Variants in NDST3 observed in about 807,000 individuals in gnomAD.
NDST3 encodes N-deacetylase and N-sulfotransferase 3, also known as bifunctional heparan sulfate N-deacetylase/N-sulfotransferase 3.
Under a neutral mutation model 96.1 loss-of-function variants are expected in NDST3, and 58 were observed. That is an observed-to-expected ratio of 0.60 (90% CI 0.49 to 0.75). The LOEUF (loss-of-function observed/expected upper bound fraction) is 0.75. NDST3 is among the 30% of genes least tolerant of loss of function. The pLI is 0.00. For synonymous variants in NDST3, 333 were observed against 359.7 expected (o/e 0.93, Z 0.84); for missense variants, 788 against 1,034.2 (o/e 0.76, Z 3.27).
At chr4:118,174,699 C>G (rs141720853) in intron 6 of NDST3, among the ~76,000 whole-genome samples, 7 of 152,242 alleles carry the variant, frequency 4.6e-5, no homozygotes. Context: ...CATGAGCATT[C>G]AGAAAACATT....
intron 2 of NDST3, among the ~76,000 whole-genome samples, chr4:118,066,200 ATT>A (rs1578565178): frequency 7.2e-5 from 5 of 69,700 alleles, no homozygotes; most frequent in East Asian, 8.4e-4. Context: ...TATATATTAT[ATT>A]TTATATATTA....
intron 6 of NDST3, among the ~76,000 whole-genome samples, chr4:118,201,152 GTA>G (rs35683434): frequency 0.038 from 5,782 of 152,266 alleles, 127 homozygotes; most frequent in Non-Finnish European, 0.061. Context: ...TCCGTGGTGT[GTA>G]TATACAGCAT....
At chr4:118,168,170 T>C (rs1305330497) in intron 6 of NDST3, among the ~76,000 whole-genome samples, 4 of 151,960 alleles carry the variant, frequency 2.6e-5, no homozygotes, top group Admixed American at 2.6e-4. Context: ...ATTGTATGTC[T>C]AATAAGGAGT....
At chr4:118,161,379 G>C (rs1453385779) in intron 6 of NDST3, among the ~76,000 whole-genome samples, 2 of 152,186 alleles carry the variant, frequency 1.3e-5, no homozygotes, top group Non-Finnish European at 1.5e-5. Flanking sequence ...TGTGTGCTGG[G>C]AGAACCACTG....
intron 6 of NDST3, among the ~76,000 whole-genome samples, chr4:118,196,793 G>C (rs1024712387): frequency 7.3e-5 from 11 of 149,854 alleles, no homozygotes; most frequent in African/African-American, 2.7e-4. Flanking sequence ...AAAACTTTTC[G>C]ATTCATTGAT....
At chr4:118,108,995 C>G (rs946280820) in intron 3 of NDST3, among the ~76,000 whole-genome samples, 4 of 152,120 alleles carry the variant, frequency 2.6e-5, no homozygotes, top group African/African-American at 9.7e-5. Flanking sequence ...TATTTTAAAT[C>G]TTTTGCTTAC....
chr4:118,180,887 C>A (rs542488512), intron 6 of NDST3, among the ~76,000 whole-genome samples: 1 of 152,152 alleles, frequency 6.6e-6, no homozygotes, highest in Non-Finnish European at 1.5e-5. Context: ...TGAATTCCAA[C>A]AGCCAGAGTT....
intron 12 of NDST3, among the ~76,000 whole-genome samples, chr4:118,243,736 A>G (rs1741143079): frequency 6.6e-6 from 1 of 152,200 alleles, no homozygotes; most frequent in Non-Finnish European, 1.5e-5. Context: ...GTATTTCAGA[A>G]AAAAAGAAGT....
intron 6 of NDST3, among the ~76,000 whole-genome samples, chr4:118,165,336 C>T (rs995960675): frequency 6.6e-6 from 1 of 151,748 alleles, no homozygotes; most frequent in African/African-American, 2.4e-5. Flanking sequence ...AAAAGAAGGA[C>T]ATAATCTAGT....
At chr4:118,128,382 T>C (rs1732305903) in intron 4 of NDST3, among the ~76,000 whole-genome samples, 1 of 151,936 alleles carries the variant, frequency 6.6e-6, no homozygotes, top group African/African-American at 2.4e-5. Flanking sequence ...TTGTTGAGGG[T>C]TTTTTATCAT....
At chr4:118,109,542 G>A (rs1730473361) in intron 3 of NDST3, among the ~76,000 whole-genome samples, 1 of 152,112 alleles carries the variant, frequency 6.6e-6, no homozygotes, top group Non-Finnish European at 1.5e-5. Flanking sequence ...CTCTCCCTAA[G>A]TGAGAGAAAG....
rs544005137 is a variant in NDST3 at position 118,194,524 on chromosome 4, G to A, written c.1540-29967G>A. 9.7e-6 allele frequency: 7 copies of A among 722,024 alleles called. No individual in the cohort carries two copies. The African/African-American group carries it at 1.2e-4, about 13-fold the overall frequency. The allele number at this position is 722,024 out of a possible 1,614,324, so 44.7% of individuals were successfully genotyped here. A position where few individuals can be genotyped will look rare whatever the true frequency, so the allele number is the denominator to read the frequency against. ...CCTCCCCTTTTCCCAGGTCAAAGGAGAATTTGTCCTTGTGATCCAGACTGG... is the reference window on the plus strand; with the variant it reads ...CCTCCCCTTTTCCCAGGTCAAAGGAAAATTTGTCCTTGTGATCCAGACTGG... On this transcript the variant is annotated intron_variant, in intron 6 of 13. Coordinates refer to ENST00000296499, the MANE Select transcript of NDST3 (RefSeq NM_004784.3).
chr4:118,144,778 A>C (rs1733821920), intron 6 of NDST3, among the ~76,000 whole-genome samples: 1 of 152,032 alleles, frequency 6.6e-6, no homozygotes, highest in South Asian at 2.1e-4. Context: ...AAAAAGTTGG[A>C]TAGGGATAAA....
At chr4:118,213,341 C>G (rs1330624331) in intron 6 of NDST3, among the ~76,000 whole-genome samples, 2 of 152,120 alleles carry the variant, frequency 1.3e-5, no homozygotes, top group African/African-American at 2.4e-5. Context: ...ACAGGTGGCA[C>G]AATAAGATAC....
chr4:118,193,304 G>A (rs1737434987), intron 6 of NDST3: 2 of 394,448 alleles, frequency 5.1e-6, no homozygotes, highest in Non-Finnish European at 4.6e-6. Context: ...GAAAAATAAA[G>A]GTCTAATTCA....
chr4:118,224,701 C>T lies in NDST3; in HGVS notation c.1722+28C>T, dbSNP rs780441721. ...AAAATTAATTAAATAATTGATATAA[C>T]CAGTTAATTCCAGGAACATAATTCT... On this transcript the variant is annotated intron_variant, in intron 7 of 13. Transcript: ENST00000296499. 4.7e-6 allele frequency: 7 copies of T among 1,501,382 alleles called. No homozygotes were observed. The South Asian group carries it at 9.8e-5, about 21-fold the overall frequency. 93.0% of individuals were successfully genotyped at this position (1,501,382 alleles called of 1,614,324 possible).
At chr4:118,183,797 A>G (rs1050885348) in intron 6 of NDST3, among the ~76,000 whole-genome samples, 39 of 152,344 alleles carry the variant, frequency 2.6e-4, no homozygotes, top group African/African-American at 8.9e-4. Context: ...GCATATTTAC[A>G]TCCTCTTAAT....
chr4:118,221,938 T>C (rs1400233661), intron 6 of NDST3, among the ~76,000 whole-genome samples: 1 of 151,714 alleles, frequency 6.6e-6, no homozygotes, highest in Non-Finnish European at 1.5e-5. Context: ...ACTTTCCATC[T>C]CATTGGAATC....
intron 6 of NDST3, chr4:118,194,763 G>A (rs574918619): frequency 9.0e-5 from 40 of 445,326 alleles, no homozygotes; most frequent in Non-Finnish European, 1.2e-4. Context: ...TCCACGCAGC[G>A]CACCCTTTCT....
Sources: gnomAD v4.1 joint callset for allele counts (sites outside exome capture counted in the v4.1 genomes callset) on GRCh38, gnomAD v4.1.1 for gene constraint, MANE v1.5 for transcripts, NCBI Gene and HGNC (gene_info 2026-07-23, HGNC 2026-07-21) for gene names.